The following RPTOR variants were observed in gnomAD, a reference collection of about 807,000 sequenced individuals.
RPTOR encodes regulatory associated protein of MTOR complex 1, also known as regulatory-associated protein of mTOR.
RPTOR carries 21 observed loss-of-function variants against 169.9 expected under a neutral mutation model. That is an observed-to-expected ratio of 0.12 (90% CI 0.09 to 0.18). The LOEUF (loss-of-function observed/expected upper bound fraction) is 0.18. RPTOR is among the 10% of genes least tolerant of loss of function. The pLI, the probability that RPTOR is intolerant of heterozygous loss-of-function variation, is 1.00. For synonymous variants in RPTOR, 732 were observed against 753.2 expected (o/e 0.97, Z 0.46); for missense variants, 1,133 against 1,855.9 (o/e 0.61, Z 7.16).
chr17:80,761,908 A>G (rs573575431), intron 6 of RPTOR, among the ~76,000 whole-genome samples: 1 of 152,026 alleles, frequency 6.6e-6, no homozygotes, highest in Admixed American at 6.5e-5. Flanking sequence ...GTAGTATCCC[A>G]CTCTGTATCT....
chr17:80,962,565 A>G lies in RPTOR; in HGVS notation c.3797A>G (p.Asp1266Gly), dbSNP rs1598428617. Residue 1266 changes from aspartate (D) to glycine (G), a missense_variant, in exon 32 of 34, where the codon GAC (aspartate) becomes GGC (glycine). Physicochemically the swap from Asp to Gly is moderately conservative, Grantham distance 94 (BLOSUM62 -1). Coordinates refer to ENST00000306801, the MANE Select transcript of RPTOR (RefSeq NM_020761.3). ...LTALDIHPQA[D>G]LIACGSVNQF... ...GCCCTGGACATCCACCCCCAGGCGG[A>G]CCTGATCGCATGGTAGGCGCCACCC... 1 of 1,613,174 alleles carries G rather than the reference A, an allele frequency of 6.2e-7. No homozygotes were observed. The highest frequency in any genetic ancestry group is 1.1e-5 in the South Asian group (1 of 91,070).
intron 11 of RPTOR, among the ~76,000 whole-genome samples, chr17:80,852,632 C>T (rs1023870918): frequency 6.6e-6 from 1 of 152,148 alleles, no homozygotes; most frequent in Admixed American, 6.5e-5. Context: ...CAAGGCTGGA[C>T]ATGCTGGGAT....
chr17:80,645,729 G>A (rs2065590126), intron 3 of RPTOR, among the ~76,000 whole-genome samples: 1 of 152,206 alleles, frequency 6.6e-6, no homozygotes, highest in South Asian at 2.1e-4. Context: ...ATGGCATTGA[G>A]AAGCGGCATC....
rs1332293352 is a variant in RPTOR, at chr17:80,690,338, CACAT to C, written c.349-17499_349-17496del. ...AAGTATGCTTCTAAACACACACACA[CACAT>C]ACACACACACACAATGTTTGTTTGA... On this transcript the variant is annotated intron_variant, in intron 3 of 33. Transcript: ENST00000306801. Among the ~76,000 whole-genome samples, 1,022 of 127,754 alleles carry C rather than the reference CACAT, an allele frequency of 8.0e-3. 6 individuals carry two copies. Among genetic ancestry groups the C allele is most frequent in the African/African-American group, 0.028 (984 of 35,548 alleles). 83.8% of individuals were successfully genotyped at this position (127,754 alleles called of 152,430 possible).
At chr17:80,649,817 C>T (rs1366893814) in intron 3 of RPTOR, among the ~76,000 whole-genome samples, 1 of 152,206 alleles carries the variant, frequency 6.6e-6, no homozygotes, top group South Asian at 2.1e-4. Context: ...AAAGCTTTTC[C>T]ACGTGCGTGC....
At chr17:80,610,931 A>G (rs2065265930) in intron 1 of RPTOR, among the ~76,000 whole-genome samples, 1 of 152,224 alleles carries the variant, frequency 6.6e-6, no homozygotes, top group African/African-American at 2.4e-5. Context: ...GAGTGCAGAT[A>G]TATGTGCAGT....
intron 23 of RPTOR, 70 bp from the exon 24 acceptor site, chr17:80,925,300 T>G: frequency 1.5e-6 from 2 of 1,363,300 alleles, no homozygotes; most frequent in Non-Finnish European, 2.1e-6. Context: ...TGCAGCTCTT[T>G]TGAGCTCAGG....
At chr17:80,648,628 A>T (rs2065614943) in intron 3 of RPTOR, among the ~76,000 whole-genome samples, 1 of 152,048 alleles carries the variant, frequency 6.6e-6, no homozygotes, top group Non-Finnish European at 1.5e-5. Context: ...TTCCCCTGGG[A>T]TGATTAGACA....
At chr17:80,611,623 AAAC>A (rs1001035595) in intron 1 of RPTOR, among the ~76,000 whole-genome samples, 6 of 152,270 alleles carry the variant, frequency 3.9e-5, no homozygotes, top group African/African-American at 1.4e-4. Flanking sequence ...ATAAGAATTC[AAAC>A]ATCATTCACC....
chr17:80,753,258 G>A (rs1003466170), intron 5 of RPTOR, among the ~76,000 whole-genome samples: 4 of 152,318 alleles, frequency 2.6e-5, no homozygotes, highest in Non-Finnish European at 4.4e-5. Flanking sequence ...TTGCCTTTGT[G>A]TTGGTGATGG....
chr17:80,783,951 A>G (rs1357981749), intron 6 of RPTOR, among the ~76,000 whole-genome samples: 1 of 152,186 alleles, frequency 6.6e-6, no homozygotes, highest in African/African-American at 2.4e-5. Flanking sequence ...AGTCGCTTCT[A>G]CTTGGTTTTC....
chr17:80,619,025 T>C (rs2065335298), intron 1 of RPTOR, among the ~76,000 whole-genome samples: 1 of 152,176 alleles, frequency 6.6e-6, no homozygotes. Flanking sequence ...TGTGTTCTAG[T>C]TTCTGACTCT....
intron 19 of RPTOR, 125 bp downstream of exon 19, chr17:80,892,994 A>T: frequency 3.5e-6 from 4 of 1,153,520 alleles, no homozygotes; most frequent in Non-Finnish European, 4.9e-6. Context: ...CTGAAGTCCC[A>T]TCTGCCAACA....
At chr17:80,743,738 TACTAGCAGAGCCCTGGC>T (rs1567887144) in intron 5 of RPTOR, among the ~76,000 whole-genome samples, 7 of 139,958 alleles carry the variant, frequency 5.0e-5, no homozygotes, top group South Asian at 2.3e-4. Flanking sequence ...CAGCCCTGGC[TACTAGCAGAGCCCTGGC>T]TACTAGCACT....
intron 1 of RPTOR, among the ~76,000 whole-genome samples, chr17:80,618,176 A>G (rs1036768893): frequency 3.3e-5 from 5 of 152,164 alleles, no homozygotes; most frequent in African/African-American, 1.2e-4. Context: ...TTGTAGAGAC[A>G]GGGTTTCACC....
intron 3 of RPTOR, among the ~76,000 whole-genome samples, chr17:80,689,568 G>A (rs140452560): frequency 8.5e-5 from 13 of 152,322 alleles, no homozygotes; most frequent in South Asian, 2.1e-4. Flanking sequence ...GCGAGGAAGC[G>A]CAAAAGCACA....
intron 7 of RPTOR, chr17:80,802,083 G>C (rs1339870478): frequency 1.1e-4 from 17 of 152,318 alleles, no homozygotes; most frequent in Admixed American, 9.2e-4. Flanking sequence ...TTGGTTCTGA[G>C]ATGAAATTGC....
rs1231829650 is a variant in RPTOR, at chr17:80,965,302, C to T, written c.*972C>T. On this transcript the variant is annotated 3_prime_UTR_variant, in exon 34 of 34. Transcript: ENST00000306801. ...CGGCGTGGTCTCCCTGCTCTGTCCC[C>T]ACACGTTCCTCACATACAGGCAAGA... 1.3e-5 allele frequency: 3 copies of T among 233,256 alleles called. No homozygotes were observed. Among genetic ancestry groups the T allele is most frequent in the African/African-American group, 6.6e-5 (3 of 45,366 alleles). The allele number at this position is 233,256 out of a possible 1,614,324, so 14.4% of individuals were successfully genotyped here.
At chr17:80,841,863 T>A (rs1448852957) in intron 10 of RPTOR, among the ~76,000 whole-genome samples, 2 of 107,088 alleles carry the variant, frequency 1.9e-5, no homozygotes, top group Non-Finnish European at 3.7e-5. Context: ...GCACGGCAGC[T>A]GACTCACCGC....
Sources: allele counts gnomAD v4.1 joint callset (sites outside exome capture counted in the v4.1 genomes callset), GRCh38; gene constraint gnomAD v4.1.1; transcripts MANE v1.5; gene names NCBI Gene and HGNC (gene_info 2026-07-23, HGNC 2026-07-21).